Variants in NAA11 observed in about 807,000 individuals in gnomAD.
The protein encoded by NAA11 is N-alpha-acetyltransferase 11.
NAA11 carries 15 observed loss-of-function variants against 16.1 expected under a neutral mutation model. The observed-to-expected ratio is 0.93, with a 90% CI of 0.62 to 1.44. The LOEUF is 1.44. Ranked by LOEUF, NAA11 falls within the 40% of genes most tolerant of loss-of-function variation. The pLI is 0.00. For missense variants in NAA11, 298 were observed against 291.3 expected (o/e 1.02, Z -0.17); for synonymous variants, 122 against 112.4 (o/e 1.09, Z -0.54).
chr4:79,316,309 A>C (rs939107973), downstream of NAA11, among the ~76,000 whole-genome samples: 2 of 152,222 alleles, frequency 1.3e-5, no homozygotes, highest in African/African-American at 4.8e-5. Flanking sequence ...TATTAAAAAG[A>C]AAAAAGGAAA....
At position 79,295,248 on chromosome 4, in the gene NAA11, C is replaced by T. The variant is rs1723182611; in HGVS notation, c.*13-1134G>A. On this transcript the variant is annotated intron_variant and NMD_transcript_variant, in intron 1 of 2. Transcript: ENST00000511542. The stretch of plus-strand genomic sequence containing the variant: ...GGTGATGTTGGAACTTGCTTTTTGG[C>T]TGCATGCTTTGCCTTTCAAGCACTG... Among the ~76,000 whole-genome samples the T allele has an allele frequency of 3.9e-5, 6 of 152,286 alleles. No individual in the cohort carries two copies. In the South Asian group the frequency reaches 1.2e-3, roughly 32 times the overall value.
At chr4:79,178,648 T>C in the NAA11 span, among the ~76,000 whole-genome samples, 2 of 152,168 alleles carry the variant, frequency 1.3e-5, no homozygotes, top group African/African-American at 2.4e-5. Context: ...TCAAGCCCAG[T>C]GGAGAAGATA....
the NAA11 span, among the ~76,000 whole-genome samples, chr4:79,182,770 G>A: frequency 9.9e-5 from 15 of 152,210 alleles, no homozygotes; most frequent in African/African-American, 3.4e-4. Flanking sequence ...GGACAGACAC[G>A]TAATCATTTC....
chr4:79,196,955 CAAAAAAAAAAAAA>C, the NAA11 span, among the ~76,000 whole-genome samples: 318 of 86,206 alleles, frequency 3.7e-3, 1 homozygote, highest in African/African-American at 0.014. Context: ...ATGAAAAAGA[CAAAAAAAAAAAAA>C]AAAAAAAAAA....
the NAA11 span, among the ~76,000 whole-genome samples, chr4:79,204,869 G>A: frequency 2.7e-5 from 4 of 150,502 alleles, no homozygotes; most frequent in South Asian, 2.1e-4. Context: ...AGTTCCATCT[G>A]GCTTGCTGCA....
chr4:79,303,121 T>TAC (rs1553896072), intron 1 of NAA11, among the ~76,000 whole-genome samples: 4 of 114,246 alleles, frequency 3.5e-5, no homozygotes, highest in Non-Finnish European at 7.5e-5. Context: ...TATATATATA[T>TAC]ACCTCCCAAC....
chr4:79,276,260 CATAAAAGATA>C (rs1722642530), intron 2 of NAA11, among the ~76,000 whole-genome samples: 1 of 152,002 alleles, frequency 6.6e-6, no homozygotes, highest in South Asian at 2.1e-4. Flanking sequence ...AAACGCTGCC[CATAAAAGATA>C]ATAAAAGACA....
At chr4:79,322,233 G>A (rs1249682946) in intron 1 of NAA11, among the ~76,000 whole-genome samples, 1 of 152,166 alleles carries the variant, frequency 6.6e-6, no homozygotes, top group African/African-American at 2.4e-5. Context: ...CATTGAATAT[G>A]TCTCAGCAGA....
At chr4:79,165,220 T>C in the NAA11 span, among the ~76,000 whole-genome samples, 2 of 152,166 alleles carry the variant, frequency 1.3e-5, no homozygotes, top group African/African-American at 4.8e-5. Context: ...ATGATGGGGA[T>C]AATGATGGAG....
chr4:79,302,316 A>T (rs1723414358), intron 1 of NAA11, among the ~76,000 whole-genome samples: 1 of 152,102 alleles, frequency 6.6e-6, no homozygotes, highest in African/African-American at 2.4e-5. Flanking sequence ...TTTCTGTGAG[A>T]GGTATTATTA....
intron 2 of NAA11, among the ~76,000 whole-genome samples, chr4:79,229,604 C>T (rs921865575): frequency 2.6e-5 from 4 of 151,898 alleles, no homozygotes; most frequent in African/African-American, 9.7e-5. Context: ...CTGGATCCAG[C>T]TTTGAGGGTT....
intron 1 of NAA11, among the ~76,000 whole-genome samples, chr4:79,294,544 A>G (rs1312622085): frequency 6.6e-6 from 1 of 152,202 alleles, no homozygotes; most frequent in African/African-American, 2.4e-5. Context: ...GAAACAAATC[A>G]TTGTTTATTA....
chr4:79,193,919 T>A, the NAA11 span, among the ~76,000 whole-genome samples: 1 of 152,196 alleles, frequency 6.6e-6, no homozygotes, highest in Non-Finnish European at 1.5e-5. Context: ...TGGTTTGTAG[T>A]TCTCCTTGAA....
At chr4:79,173,339 G>C in the NAA11 span, among the ~76,000 whole-genome samples, 1 of 151,980 alleles carries the variant, frequency 6.6e-6, no homozygotes, top group Non-Finnish European at 1.5e-5. Flanking sequence ...TTACATGGTG[G>C]TACTCTACGG....
chr4:79,256,671 G>C (rs1299962185), intron 2 of NAA11, among the ~76,000 whole-genome samples: 2 of 49,150 alleles, frequency 4.1e-5, no homozygotes, highest in Non-Finnish European at 1.0e-4. Flanking sequence ...TATATATATT[G>C]ACACGAGGTC....
chr4:79,240,036 A>G (rs1721656101), intron 2 of NAA11, among the ~76,000 whole-genome samples: 1 of 152,204 alleles, frequency 6.6e-6, no homozygotes, highest in Non-Finnish European at 1.5e-5. Context: ...CAGATTAATT[A>G]CATTGGATGT....
Position 79,325,998 on chromosome 4 carries a change from T to A in NAA11, c.-121A>T. 3 of 801,716 alleles carry A rather than the reference T, an allele frequency of 3.7e-6. No individual in the cohort carries two copies. The South Asian group carries it at 5.5e-5, about 15-fold the overall frequency. The allele number at this position is 801,716 out of a possible 1,614,324, so 49.7% of individuals were successfully genotyped here. ...AGGGGGCTAACACCACCGGGCTGAATCGTGTGGAGGGCGGATGGCGGGAAG... is the reference window on the plus strand; with the variant it reads ...AGGGGGCTAACACCACCGGGCTGAAACGTGTGGAGGGCGGATGGCGGGAAG... On this transcript the variant is annotated 5_prime_UTR_variant, in exon 1 of 2. Coordinates refer to ENST00000286794, the MANE Select transcript of NAA11 (RefSeq NM_032693.3).
chr4:79,187,222 C>A, the NAA11 span, among the ~76,000 whole-genome samples: 1 of 152,118 alleles, frequency 6.6e-6, no homozygotes, highest in Non-Finnish European at 1.5e-5. Context: ...TAACAGATAT[C>A]ATTTCTGACA....
chr4:79,159,825 C>G, the NAA11 span, among the ~76,000 whole-genome samples: 1 of 152,096 alleles, frequency 6.6e-6, no homozygotes, highest in African/African-American at 2.4e-5. Context: ...GTGACTGACT[C>G]TTTTCACTTA....
Sources: gnomAD v4.1 joint callset for allele counts (sites outside exome capture counted in the v4.1 genomes callset) on GRCh38, gnomAD v4.1.1 for gene constraint, MANE v1.5 for transcripts, NCBI Gene and HGNC (gene_info 2026-07-23, HGNC 2026-07-21) for gene names.